The following EDIL3 variants were observed in gnomAD, a reference collection of about 807,000 sequenced individuals.
EDIL3 encodes the protein EGF-like repeat and discoidin I-like domain-containing protein 3.
In EDIL3, 37 loss-of-function variants were observed where a neutral mutation model predicts 67.4. That is an observed-to-expected ratio of 0.55 (90% CI 0.42 to 0.72). EDIL3 has a LOEUF of 0.72. Among genes scored for constraint, EDIL3 ranks in the 30% least tolerant of loss-of-function variants. The pLI is 0.00. For missense variants in EDIL3, 527 were observed against 586.3 expected (o/e 0.90, Z 1.04); for synonymous variants, 195 against 196.3 (o/e 0.99, Z 0.05).
At chr5:84,334,975 A>AT (rs922246253) in intron 1 of EDIL3, among the ~76,000 whole-genome samples, 6 of 151,910 alleles carry the variant, frequency 3.9e-5, no homozygotes, top group African/African-American at 9.7e-5. Flanking sequence ...GACAGATATT[A>AT]TTTTTTTTAA....
chr5:84,022,388 A>T (rs568329186), intron 9 of EDIL3, among the ~76,000 whole-genome samples: 37 of 152,076 alleles, frequency 2.4e-4, no homozygotes, highest in African/African-American at 8.4e-4. Context: ...AAAAACTCTC[A>T]AGAAACTAGG....
At chr5:84,252,176 A>G (rs1745035739) in intron 2 of EDIL3, among the ~76,000 whole-genome samples, 1 of 152,124 alleles carries the variant, frequency 6.6e-6, no homozygotes, top group Admixed American at 6.5e-5. Flanking sequence ...AGTATAGCCC[A>G]AAAGTATACA....
chr5:84,318,703 C>G (rs980263458), intron 1 of EDIL3, among the ~76,000 whole-genome samples: 21 of 152,038 alleles, frequency 1.4e-4, no homozygotes, highest in African/African-American at 5.1e-4. Flanking sequence ...CCATAAAAAC[C>G]CTAGAAGAAA....
At chr5:83,987,230 G>A (rs1216199658) in intron 9 of EDIL3, among the ~76,000 whole-genome samples, 2 of 151,976 alleles carry the variant, frequency 1.3e-5, no homozygotes, top group Non-Finnish European at 2.9e-5. Context: ...TGCTGTGCAG[G>A]CTACTCCATT....
At chr5:84,074,394 C>T (rs1319857198) in intron 6 of EDIL3, among the ~76,000 whole-genome samples, 1 of 152,132 alleles carries the variant, frequency 6.6e-6, no homozygotes, top group Non-Finnish European at 1.5e-5. Flanking sequence ...AAGAAACTAC[C>T]ATCAGAGTGA....
Position 84,310,255 on chromosome 5 carries a change from A to G in EDIL3, c.68-56043T>C, listed in dbSNP as rs561605286. Among the ~76,000 whole-genome samples the G allele has an allele frequency of 2.2e-4, 34 of 152,342 alleles. 2 individuals carry two copies. The highest frequency in any genetic ancestry group is 2.0e-3 in the Admixed American group (30 of 15,304). On this transcript the variant is annotated intron_variant, in intron 1 of 10. Coordinates refer to ENST00000296591, the MANE Select transcript of EDIL3 (RefSeq NM_005711.5). ...GTTACTGTTACATAAAATGCTAATG[A>G]TGACAATGAGGTCAGATTAGAAATC...
intron 9 of EDIL3, among the ~76,000 whole-genome samples, chr5:84,045,414 T>C (rs1227541789): frequency 6.6e-6 from 1 of 152,160 alleles, no homozygotes; most frequent in East Asian, 1.9e-4. Context: ...AAGAGCAGCA[T>C]AAAGATTCTT....
chr5:84,051,094 G>A (rs984832798), intron 9 of EDIL3, among the ~76,000 whole-genome samples: 1 of 152,106 alleles, frequency 6.6e-6, no homozygotes, highest in African/African-American at 2.4e-5. Flanking sequence ...TCACACAGCT[G>A]GGTACCCCTC....
In EDIL3 at chr5:84,234,843, G is replaced by C. The variant is rs552051281; in HGVS notation, c.197-4959C>G. Among the ~76,000 whole-genome samples, 5 of 152,108 alleles carry C rather than the reference G, an allele frequency of 3.3e-5. No individual in the cohort carries two copies. The East Asian group carries it at 9.7e-4, about 29-fold the overall frequency. Reference sequence around the variant, plus strand: ...TAGTCATTAGTTATTTCCATAACAAGAACTATGTATTATTGTATTCTGACA... The same window carrying C: ...TAGTCATTAGTTATTTCCATAACAACAACTATGTATTATTGTATTCTGACA... On this transcript the variant is annotated intron_variant, in intron 2 of 10. Coordinates refer to ENST00000296591, the MANE Select transcript of EDIL3 (RefSeq NM_005711.5).
intron 1 of EDIL3, among the ~76,000 whole-genome samples, chr5:84,372,310 A>G (rs1210084306): frequency 3.3e-5 from 5 of 152,176 alleles, no homozygotes; most frequent in African/African-American, 1.2e-4. Flanking sequence ...TATTTGAAAC[A>G]TGTAAACTTG....
At chr5:84,036,469 C>T (rs778981375) in intron 9 of EDIL3, among the ~76,000 whole-genome samples, 7 of 152,076 alleles carry the variant, frequency 4.6e-5, no homozygotes, top group Non-Finnish European at 7.4e-5. Context: ...ATCTTTTGCC[C>T]GAGGGCTTAC....
chr5:84,364,232 C>T (rs1174198419), intron 1 of EDIL3, among the ~76,000 whole-genome samples: 6 of 152,156 alleles, frequency 3.9e-5, no homozygotes, highest in African/African-American at 1.2e-4. Context: ...TTGATCATTA[C>T]ATATGCCAAA....
intron 9 of EDIL3, among the ~76,000 whole-genome samples, chr5:84,019,420 C>T (rs983113930): frequency 6.6e-6 from 1 of 151,932 alleles, no homozygotes; most frequent in Non-Finnish European, 1.5e-5. Flanking sequence ...GGAGGGATAG[C>T]ATTAGGAGAT....
At chr5:84,184,157 AG>A (rs1749061540) in intron 3 of EDIL3, among the ~76,000 whole-genome samples, 1 of 152,180 alleles carries the variant, frequency 6.6e-6, no homozygotes, top group Admixed American at 6.6e-5. Flanking sequence ...AGTGATTCCA[AG>A]GAAGGAGGTA....
intron 1 of EDIL3, among the ~76,000 whole-genome samples, chr5:84,383,284 GC>G (rs1370306300): frequency 6.6e-6 from 1 of 152,004 alleles, no homozygotes; most frequent in Non-Finnish European, 1.5e-5. Context: ...ACACCCTGCT[GC>G]CCCCGCTGCC....
At chr5:84,153,044 T>C (rs111366925) in intron 4 of EDIL3, among the ~76,000 whole-genome samples, 24 of 152,316 alleles carry the variant, frequency 1.6e-4, no homozygotes, top group African/African-American at 5.5e-4. Context: ...ATCAGCCATA[T>C]ATTTCTGTGA....
At chr5:84,285,968 T>G (rs1745799275) in intron 1 of EDIL3, among the ~76,000 whole-genome samples, 2 of 152,194 alleles carry the variant, frequency 1.3e-5, no homozygotes, top group South Asian at 4.1e-4. Context: ...TTTTGCCTGT[T>G]TGAACATTAT....
intron 10 of EDIL3, among the ~76,000 whole-genome samples, chr5:83,960,919 A>T (rs572707124): frequency 1.3e-5 from 2 of 151,118 alleles, no homozygotes; most frequent in Non-Finnish European, 3.0e-5. Flanking sequence ...TGAAAAGCAG[A>T]GATAGACTGG....
chr5:83,973,625 A>T (rs370063246), intron 9 of EDIL3, among the ~76,000 whole-genome samples: 1 of 152,044 alleles, frequency 6.6e-6, no homozygotes, highest in Non-Finnish European at 1.5e-5. Flanking sequence ...AACTATCTGA[A>T]TATATCTTTG....
Sources: gnomAD v4.1 joint callset for allele counts (sites outside exome capture counted in the v4.1 genomes callset) on GRCh38, gnomAD v4.1.1 for gene constraint, MANE v1.5 for transcripts, NCBI Gene and HGNC (gene_info 2026-07-23, HGNC 2026-07-21) for gene names.